NEBL: variants seen among roughly 807,000 people sequenced by gnomAD.
NEBL encodes nebulette.
Under a neutral mutation model 140.2 loss-of-function variants are expected in NEBL, and 122 were observed. The ratio of observed to expected loss-of-function variants is 0.87; its 90% CI spans 0.75 to 1.01. The LOEUF (loss-of-function observed/expected upper bound fraction) is 1.01. Ranked by LOEUF, NEBL falls within the 50% of genes least tolerant of loss-of-function variation. The pLI, the probability that NEBL is intolerant of heterozygous loss-of-function variation, is 0.00. For synonymous variants in NEBL, 436 were observed against 398.9 expected (o/e 1.09, Z -1.11); for missense variants, 1,365 against 1,231.3 (o/e 1.11, Z -1.62).
At chr10:20,962,792 T>C (rs1285906108) in intron 3 of NEBL, among the ~76,000 whole-genome samples, 1 of 152,216 alleles carries the variant, frequency 6.6e-6, no homozygotes, top group Non-Finnish European at 1.5e-5. Flanking sequence ...CATTGATCAT[T>C]AAAATTAATT....
At chr10:21,233,523 T>C (rs1372710236) in intron 3 of NEBL, among the ~76,000 whole-genome samples, 1 of 150,518 alleles carries the variant, frequency 6.6e-6, no homozygotes, top group Non-Finnish European at 1.5e-5. Flanking sequence ...ATATCATATA[T>C]ATCTCTATAG....
Position 20,855,377 on chromosome 10 carries a change from C to T in NEBL, c.904-2728G>A, listed in dbSNP as rs1409809796. Among the ~76,000 whole-genome samples the T allele has an allele frequency of 2.2e-4, 34 of 151,414 alleles. 1 individual carries two copies. The highest frequency in any genetic ancestry group is 2.2e-3 in the Admixed American group (33 of 15,226). On this transcript the variant is annotated intron_variant, in intron 9 of 27. Transcript: ENST00000377122. Reference sequence around the variant, plus strand: ...TAACAAGCTACAACATAGTCCATTACTGAGTTAAAATCCACAACAAATACA... The same window carrying T: ...TAACAAGCTACAACATAGTCCATTATTGAGTTAAAATCCACAACAAATACA...
intron 3 of NEBL, among the ~76,000 whole-genome samples, chr10:21,012,174 T>C (rs568230248): frequency 2.6e-4 from 40 of 152,132 alleles, no homozygotes; most frequent in Admixed American, 5.9e-4. Context: ...CAATCTACCA[T>C]GGCCAGAAGT....
chr10:21,083,241 G>A (rs1042457820), intron 2 of NEBL, among the ~76,000 whole-genome samples: 9 of 152,208 alleles, frequency 5.9e-5, no homozygotes, highest in African/African-American at 2.2e-4. Flanking sequence ...GGACAGCATA[G>A]CATGACCCCA....
chr10:20,991,264 C>CA (rs373554716), intron 3 of NEBL, among the ~76,000 whole-genome samples: 2,206 of 145,558 alleles, frequency 0.015, 38 homozygotes, highest in African/African-American at 0.05. Context: ...GTCAAGCCCT[C>CA]AAAAAAAAAA....
At chr10:21,230,503 A>T (rs1209665037) in intron 3 of NEBL, among the ~76,000 whole-genome samples, 1 of 152,100 alleles carries the variant, frequency 6.6e-6, no homozygotes. Flanking sequence ...TGTGTCAACA[A>T]TCTCACTTTC....
chr10:21,161,230 C>T (rs1233869021), intron 2 of NEBL, among the ~76,000 whole-genome samples: 2 of 151,938 alleles, frequency 1.3e-5, no homozygotes, highest in East Asian at 1.9e-4. Context: ...CAGGGTCTTG[C>T]TATGTTGCCC....
chr10:20,985,120 A>G (rs907883347), intron 3 of NEBL, among the ~76,000 whole-genome samples: 1 of 152,230 alleles, frequency 6.6e-6, no homozygotes, highest in Non-Finnish European at 1.5e-5. Flanking sequence ...ATGTAATAAT[A>G]GACATAAAGT....
intron 3 of NEBL, among the ~76,000 whole-genome samples, chr10:20,990,504 G>A (rs1837417593): frequency 6.6e-6 from 1 of 152,124 alleles, no homozygotes; most frequent in Admixed American, 6.6e-5. Context: ...CCAGCAAGAG[G>A]GCCCTCACCA....
At chr10:20,967,694 G>T (rs192224565) in intron 3 of NEBL, among the ~76,000 whole-genome samples, 51 of 152,072 alleles carry the variant, frequency 3.4e-4, no homozygotes, top group African/African-American at 1.1e-3. Flanking sequence ...CAACTTTCAG[G>T]GGAGTGGTGA....
In NEBL at chr10:20,935,390, G is replaced by A. The variant is rs527537569; in HGVS notation, c.357+26282C>T. On this transcript the variant is annotated intron_variant, in intron 4 of 6. Transcript: ENST00000417816. ...GCTAATATCAAGTAAGGCAGCAGACGATTATCAGCATCTCTTCATCGAATT... is the reference window on the plus strand; with the variant it reads ...GCTAATATCAAGTAAGGCAGCAGACAATTATCAGCATCTCTTCATCGAATT... 3.9e-4 allele frequency among the ~76,000 whole-genome samples: 59 copies of A among 152,296 alleles called. 1 individual carries two copies. The South Asian group carries it at 9.9e-3, about 26-fold the overall frequency.
At chr10:21,260,275 A>G (rs1842721311) in intron 1 of NEBL, among the ~76,000 whole-genome samples, 1 of 152,178 alleles carries the variant, frequency 6.6e-6, no homozygotes, top group Non-Finnish European at 1.5e-5. Context: ...ATCCAACCCT[A>G]TCTGCTTAAG....
intron 19 of NEBL, 47 bp from the exon 20 acceptor site, chr10:20,819,563 C>G (rs71578951): frequency 6.2e-7 from 1 of 1,606,886 alleles, no homozygotes; most frequent in African/African-American, 1.3e-5. Context: ...GAAATAAATA[C>G]GTCCCAAAAC....
chr10:21,202,696 TC>T (rs1841760279), intron 3 of NEBL, among the ~76,000 whole-genome samples: 1 of 151,932 alleles, frequency 6.6e-6, no homozygotes. Flanking sequence ...TTTCCTGACC[TC>T]GTGATCGCCC....
intron 3 of NEBL, among the ~76,000 whole-genome samples, chr10:21,207,339 T>C (rs1211006612): frequency 6.6e-6 from 1 of 152,190 alleles, no homozygotes; most frequent in Non-Finnish European, 1.5e-5. Flanking sequence ...GAATGGTCTA[T>C]ATCTAGTACT....
In NEBL at chr10:20,845,067, T is replaced by G. The variant is rs45603437; in HGVS notation, c.1227+191A>C. The stretch of plus-strand genomic sequence containing the variant: ...GGGTAATTTCTTCTCGCAACTTTAA[T>G]GGGAAATGTTAACACACACTTTCTT... On this transcript the variant is annotated intron_variant, in intron 12 of 27. Coordinates refer to ENST00000377122, the MANE Select transcript of NEBL (RefSeq NM_006393.3). 4.6e-3 allele frequency among the ~76,000 whole-genome samples: 703 copies of G among 152,126 alleles called. 3 individuals carry two copies. The highest frequency in any genetic ancestry group is 7.6e-3 in the Non-Finnish European group (518 of 67,960).
At chr10:20,936,948 C>T (rs1046265229) in intron 4 of NEBL, among the ~76,000 whole-genome samples, 4 of 152,186 alleles carry the variant, frequency 2.6e-5, no homozygotes, top group African/African-American at 9.7e-5. Flanking sequence ...CATCAAACAT[C>T]CCGTTTTTTG....
chr10:20,912,383 T>G (rs1848365707), intron 4 of NEBL, among the ~76,000 whole-genome samples: 1 of 152,124 alleles, frequency 6.6e-6, no homozygotes, highest in South Asian at 2.1e-4. Context: ...GCCTAGGAGT[T>G]CAGGCTGCAA....
Position 20,785,611 on chromosome 10 carries a change from C to T in NEBL, c.*136G>A. 1 of 1,000,460 alleles carries T rather than the reference C, an allele frequency of 1.0e-6. No individual in the cohort carries two copies. The highest frequency in any genetic ancestry group is 1.5e-6 in the Non-Finnish European group (1 of 660,080). The allele number at this position is 1,000,460 out of a possible 1,614,324, so 62.0% of individuals were successfully genotyped here. On this transcript the variant is annotated 3_prime_UTR_variant, in exon 28 of 28. Coordinates refer to ENST00000377122, the MANE Select transcript of NEBL (RefSeq NM_006393.3). ...AGAGGTCATTCCTTCTTCCTGGTAC[C>T]TGTGTGTCTAATTGTCAAAGGAAGG...
Sources: gnomAD v4.1 joint callset for allele counts (sites outside exome capture counted in the v4.1 genomes callset) on GRCh38, gnomAD v4.1.1 for gene constraint, MANE v1.5 for transcripts, NCBI Gene and HGNC (gene_info 2026-07-23, HGNC 2026-07-21) for gene names.